Variants in ZNF343 observed in about 807,000 individuals in gnomAD.
The protein encoded by ZNF343 is zinc finger protein 343.
A neutral mutation model predicts 13.8 loss-of-function variants in ZNF343; 11 were observed. The observed-to-expected ratio is 0.80, with a 90% CI of 0.50 to 1.32. The LOEUF (loss-of-function observed/expected upper bound fraction) is 1.32. Ranked by LOEUF, ZNF343 falls within the 40% of genes most tolerant of loss-of-function variation. The pLI, the probability that ZNF343 is intolerant of heterozygous loss-of-function variation, is 0.00. For synonymous variants in ZNF343, 248 were observed against 260.0 expected, an observed-to-expected ratio of 0.95 and a Z score of 0.44; for missense variants, 658 against 714.2, an observed-to-expected ratio of 0.92 and a Z score of 0.90.
At chr20:2,523,624 T>A (rs1336591142) in intron 1 of ZNF343, among the ~76,000 whole-genome samples, 1 of 151,538 alleles carries the variant, frequency 6.6e-6, no homozygotes, top group East Asian at 1.9e-4. Flanking sequence ...GAAGTTGACT[T>A]GAAGTTGCAA....
At chr20:2,498,009 T>A (rs2085489166) in intron 2 of ZNF343, among the ~76,000 whole-genome samples, 1 of 151,922 alleles carries the variant, frequency 6.6e-6, no homozygotes, top group East Asian at 1.9e-4. Flanking sequence ...GAGCAAGAGG[T>A]CCCTGATCCT....
chr20:2,485,543 A>G (rs1166462073), intron 5 of ZNF343, among the ~76,000 whole-genome samples: 3 of 152,132 alleles, frequency 2.0e-5, no homozygotes, highest in Non-Finnish European at 4.4e-5. Flanking sequence ...AACTCATCCT[A>G]TCCTATCTGG....
chr20:2,498,296 C>T (rs938114804), intron 2 of ZNF343, among the ~76,000 whole-genome samples: 22 of 152,264 alleles, frequency 1.4e-4, no homozygotes, highest in Non-Finnish European at 2.2e-4. Context: ...ACGGAGGTTG[C>T]GGTGAGCCGA....
intron 1 of ZNF343, among the ~76,000 whole-genome samples, chr20:2,522,428 A>G (rs894565153): frequency 6.6e-6 from 1 of 152,252 alleles, no homozygotes; most frequent in African/African-American, 2.4e-5. Flanking sequence ...GAGTTACCTT[A>G]GACGTGACGC....
intron 1 of ZNF343, among the ~76,000 whole-genome samples, chr20:2,516,223 T>C (rs1600083531): frequency 6.6e-6 from 1 of 152,018 alleles, no homozygotes; most frequent in East Asian, 1.9e-4. Context: ...AGAAGCCAAA[T>C]GTCCTGGTGC....
upstream of ZNF343, among the ~76,000 whole-genome samples, chr20:2,510,672 G>C (rs1016324647): frequency 6.6e-6 from 1 of 152,170 alleles, no homozygotes; most frequent in Non-Finnish European, 1.5e-5. Flanking sequence ...GTACTGGGCA[G>C]AATCTGTTAC....
upstream of ZNF343, among the ~76,000 whole-genome samples, chr20:2,509,706 A>T (rs565359672): frequency 1.5e-3 from 229 of 152,312 alleles, 3 homozygotes; most frequent in African/African-American, 5.2e-3. Flanking sequence ...TAATATTTTT[A>T]AAACTGGGCT....
chr20:2,488,579 C>T (rs1411551699), intron 5 of ZNF343, among the ~76,000 whole-genome samples: 1 of 152,072 alleles, frequency 6.6e-6, no homozygotes, highest in Non-Finnish European at 1.5e-5. Context: ...ATTTTAGTGT[C>T]TGATAAGGAT....
chr20:2,484,698 G>A lies in ZNF343; in HGVS notation c.305-42C>T, dbSNP rs771148131. The A allele has an allele frequency of 1.8e-5, 27 of 1,537,516 alleles. No homozygotes were observed. The Middle Eastern group carries it at 8.8e-4, about 50-fold the overall frequency. ...TTCTGTTAGAGTAGCCATAAGTAGG[G>A]CTGCTGAGTTGTTCTGCCTTGTCTT... On this transcript the variant is annotated intron_variant, in intron 5 of 5. Transcript: ENST00000278772.
chr20:2,521,093 T>C (rs2085780414), intron 1 of ZNF343, among the ~76,000 whole-genome samples: 1 of 152,202 alleles, frequency 6.6e-6, no homozygotes, highest in African/African-American at 2.4e-5. Context: ...ACATAGCATC[T>C]GGAAGGAGAA....
At chr20:2,499,878 T>C (rs1166279531) in intron 2 of ZNF343, among the ~76,000 whole-genome samples, 1 of 152,200 alleles carries the variant, frequency 6.6e-6, no homozygotes, top group African/African-American at 2.4e-5. Flanking sequence ...TTGTTAAGTG[T>C]GTACAGTTTG....
chr20:2,521,179 T>C (rs971827882), intron 1 of ZNF343, among the ~76,000 whole-genome samples: 5 of 152,084 alleles, frequency 3.3e-5, no homozygotes, highest in African/African-American at 9.7e-5. Flanking sequence ...ACCTCTGGCG[T>C]TGAAATCCAG....
At chr20:2,490,586 G>A (rs1487892102) in intron 5 of ZNF343, among the ~76,000 whole-genome samples, 2 of 144,896 alleles carry the variant, frequency 1.4e-5, no homozygotes, top group Non-Finnish European at 3.0e-5. Flanking sequence ...TCCCCAGGCT[G>A]GAGTGCAATG....
chr20:2,509,738 C>T (rs532996698), upstream of ZNF343, among the ~76,000 whole-genome samples: 19 of 152,292 alleles, frequency 1.2e-4, no homozygotes, highest in South Asian at 3.9e-3. Context: ...TTCTGCAACA[C>T]GGCAATTAGG....
rs770305684 is a variant in ZNF343, at chr20:2,484,205, C to T, written c.756G>A (p.Leu252=). The stretch of plus-strand genomic sequence containing the variant: ...TCGGGTTTGTAATAAAGTTTGATTC[C>T]AGGTTATGGTCCGGTTCATACTCTC... ...NCREYEPDHN[L]ESNFITNPRT... Residue 252 remains leucine (L), a synonymous_variant, in exon 6 of 6, where the codon CTG becomes CTA. Coordinates refer to ENST00000278772, the MANE Select transcript of ZNF343 (RefSeq NM_024325.6). 1 of 1,614,198 alleles carries T rather than the reference C, an allele frequency of 6.2e-7. No homozygotes were observed. Among genetic ancestry groups the T allele is most frequent in the Non-Finnish European group, 8.5e-7 (1 of 1,180,046 alleles).
At chr20:2,521,732 G>A (rs2085783187) in intron 1 of ZNF343, among the ~76,000 whole-genome samples, 1 of 152,238 alleles carries the variant, frequency 6.6e-6, no homozygotes, top group South Asian at 2.1e-4. Flanking sequence ...TCTGTGTGGG[G>A]AGTGGGGATT....
intron 5 of ZNF343, 89 bp from the exon 6 acceptor site, chr20:2,484,745 C>G: frequency 5.1e-6 from 6 of 1,187,776 alleles, no homozygotes; most frequent in Non-Finnish European, 7.1e-6. Flanking sequence ...TGTTTTACTG[C>G]CATGCCTATA....
intron 1 of ZNF343, among the ~76,000 whole-genome samples, chr20:2,524,280 C>G (rs779991718): frequency 6.6e-6 from 1 of 152,156 alleles, no homozygotes; most frequent in Non-Finnish European, 1.5e-5. Flanking sequence ...CACTGCACTC[C>G]AGCCTGGGGG....
In ZNF343 at chr20:2,483,532, T is replaced by G. The variant is rs1291178255; in HGVS notation, c.1429A>C (p.Lys477Gln). Residue 477 changes from lysine to glutamine, a missense_variant, in exon 6 of 6, where the codon AAA (lysine) becomes CAA (glutamine). Physicochemically the swap from Lys to Gln is moderately conservative, Grantham distance 53 (BLOSUM62 1). Coordinates refer to ENST00000278772, the MANE Select transcript of ZNF343 (RefSeq NM_024325.6). ...CGECGRGFSR[K>Q]SLLLVHQRTH... ...CTCTGGTGGACAAGGAGGAGTGATTTCCGACTAAAGCCTCGGCCACACTCA... is the reference window on the plus strand; with the variant it reads ...CTCTGGTGGACAAGGAGGAGTGATTGCCGACTAAAGCCTCGGCCACACTCA... 1.9e-6 allele frequency: 3 copies of G among 1,612,926 alleles called. No individual in the cohort carries two copies. Among genetic ancestry groups the G allele is most frequent in the Middle Eastern group, 1.7e-4 (1 of 6,060 alleles).
Sources: allele counts gnomAD v4.1 joint callset (sites outside exome capture counted in the v4.1 genomes callset), GRCh38; gene constraint gnomAD v4.1.1; transcripts MANE v1.5; gene names NCBI Gene and HGNC (gene_info 2026-07-23, HGNC 2026-07-21).